Variants in SLC12A5 observed in about 807,000 individuals in gnomAD.
SLC12A5 encodes solute carrier family 12 member 5.
Under a neutral mutation model 124.0 loss-of-function variants are expected in SLC12A5, and 18 were observed. The observed-to-expected ratio is 0.15, with a 90% CI of 0.10 to 0.22. The LOEUF (loss-of-function observed/expected upper bound fraction) is 0.22. Among genes scored for constraint, SLC12A5 ranks in the 10% least tolerant of loss-of-function variants. The probability of loss-of-function intolerance (pLI) is 1.00; values close to 1 mark genes in which losing one functional copy is unlikely to be tolerated. For synonymous variants in SLC12A5, 589 were observed against 568.0 expected, an observed-to-expected ratio of 1.04 and a Z score of -0.53; for missense variants, 867 against 1,478.7, an observed-to-expected ratio of 0.59 and a Z score of 6.78.
chr20:46,050,349 C>T (rs1290474803), intron 17 of SLC12A5, among the ~76,000 whole-genome samples: 5 of 152,236 alleles, frequency 3.3e-5, no homozygotes, highest in Admixed American at 6.5e-5. Flanking sequence ...TTGGTTCCAC[C>T]CACTAGTCCA....
intron 18 of SLC12A5, 89 bp from the exon 19 acceptor site, chr20:46,052,868 G>A: frequency 1.4e-6 from 2 of 1,422,414 alleles, no homozygotes. Context: ...TGGAGTGCTG[G>A]CTGCCAGGAG....
At chr20:46,049,110 T>C (rs1205256433) in intron 16 of SLC12A5, among the ~76,000 whole-genome samples, 1 of 152,168 alleles carries the variant, frequency 6.6e-6, no homozygotes, top group Non-Finnish European at 1.5e-5. Flanking sequence ...AACCTGGGGC[T>C]CTATATTATT....
intron 14 of SLC12A5, among the ~76,000 whole-genome samples, chr20:46,046,780 A>G (rs2084599846): frequency 6.6e-6 from 1 of 152,280 alleles, no homozygotes; most frequent in African/African-American, 2.4e-5. Flanking sequence ...TGGGCTGATG[A>G]TGTAGCTTCT....
In SLC12A5 at chr20:46,039,784, A is replaced by C. The variant is rs375447387; in HGVS notation, c.613-589A>C. Among the ~76,000 whole-genome samples the C allele has an allele frequency of 2.6e-5, 4 of 152,106 alleles. No homozygotes were observed. The East Asian group carries it at 5.8e-4, about 22-fold the overall frequency. ...GAACAAAACTTTATTTCAAAAAAAA[A>C]ACAAAAAAACCACCACCACAATAAA... On this transcript the variant is annotated intron_variant, in intron 6 of 25. Coordinates refer to ENST00000243964, the MANE Select transcript of SLC12A5 (RefSeq NM_020708.5).
chr20:46,050,532 C>T (rs562275731), intron 17 of SLC12A5, among the ~76,000 whole-genome samples: 5 of 142,618 alleles, frequency 3.5e-5, no homozygotes, highest in African/African-American at 7.9e-5. Context: ...AAAAGAGGCC[C>T]GAAGGAGCAG....
At chr20:46,032,094 C>G (rs1215223212) in intron 1 of SLC12A5, among the ~76,000 whole-genome samples, 1 of 152,248 alleles carries the variant, frequency 6.6e-6, no homozygotes, top group Non-Finnish European at 1.5e-5. Context: ...CTGCCCTCAT[C>G]TCCTGGCCCG....
At position 46,041,647 on chromosome 20, in the gene SLC12A5, T is replaced by C. The variant is rs1322856609; in HGVS notation, c.1066+107T>C. ...TGGGATTCAGCTAAATTCAATCAGC[T>C]TTAATTGAGCACCTACTCTGAGTTA... On this transcript the variant is annotated intron_variant, in intron 8 of 25. Coordinates refer to ENST00000243964, the MANE Select transcript of SLC12A5 (RefSeq NM_020708.5). The C allele has an allele frequency of 4.3e-6, 5 of 1,162,620 alleles. No individual in the cohort carries two copies. The Admixed American group carries it at 8.0e-5, about 19-fold the overall frequency. The allele number at this position is 1,162,620 out of a possible 1,614,324, so 72.0% of individuals were successfully genotyped here.
chr20:46,035,965 G>A (rs2084494986), intron 4 of SLC12A5, 42 bp downstream of exon 4: 1 of 1,579,750 alleles, frequency 6.3e-7, no homozygotes. Flanking sequence ...GACAGCTGGG[G>A]CTTGGCAGAG....
At chr20:46,042,812 T>C (rs140466153) in intron 8 of SLC12A5, among the ~76,000 whole-genome samples, 35 of 152,076 alleles carry the variant, frequency 2.3e-4, no homozygotes, top group African/African-American at 8.4e-4. Flanking sequence ...TACTGAAATA[T>C]GGGATGCAGG....
At chr20:46,040,232 G>A (rs902956706) in intron 6 of SLC12A5, 141 bp from the exon 7 acceptor site, 5 of 1,261,106 alleles carry the variant, frequency 4.0e-6, no homozygotes, top group Non-Finnish European at 5.5e-6. Flanking sequence ...CTTCTTTAGC[G>A]ATTCTCCTAT....
At position 46,053,370 on chromosome 20, in the gene SLC12A5, G is replaced by C. The variant is rs2084662926; in HGVS notation, c.2548-208G>C. Among the ~76,000 whole-genome samples the C allele has an allele frequency of 1.3e-5, 2 of 152,326 alleles. No homozygotes were observed. The highest frequency in any genetic ancestry group is 4.8e-5 in the African/African-American group (2 of 41,576). On this transcript the variant is annotated intron_variant, in intron 19 of 25. Transcript: ENST00000243964. This position sits in a 1 kb window ranked among gnomAD's most constrained non-coding sequence, Gnocchi z 4.7. ...GTAAGGAGAGCAATGCTTAGCCCAA[G>C]CCAGTGATGCTTTCTTTAATGGGGG...
Position 46,035,396 on chromosome 20 carries a change from C to T in SLC12A5, c.148-8C>T, listed in dbSNP as rs1413620669. The T allele has an allele frequency of 1.3e-5, 21 of 1,610,510 alleles. No individual in the cohort carries two copies. Among genetic ancestry groups the T allele is most frequent in the Non-Finnish European group, 1.7e-5 (20 of 1,177,938 alleles). On this transcript the variant is annotated splice_region_variant and splice_polypyrimidine_tract_variant and intron_variant, in intron 2 of 25. Coordinates refer to ENST00000243964, the MANE Select transcript of SLC12A5 (RefSeq NM_020708.5). ...CAGCCTCCTAGCACTGACACCCTCC[C>T]TCCATAGGAGGAGATGGACACCAGC...
At position 46,049,613 on chromosome 20, in the gene SLC12A5, ACT is replaced by A. The variant is rs1279613550; in HGVS notation, c.2013-6_2013-5del. ...GTATATGGATTATGTGACTCTGCAC[ACT>A]CTTCAGGCCACAGCTGCTGGTGCTG... On this transcript the variant is annotated splice_region_variant and splice_polypyrimidine_tract_variant and intron_variant, in intron 16 of 25. Transcript: ENST00000243964. 2 of 1,596,516 alleles carry A rather than the reference ACT, an allele frequency of 1.3e-6. No homozygotes were observed. Among genetic ancestry groups the A allele is most frequent in the Non-Finnish European group, 1.7e-6 (2 of 1,171,856 alleles).
upstream of SLC12A5, chr20:46,029,085 C>A: frequency 2.3e-6 from 3 of 1,314,980 alleles, no homozygotes; most frequent in Non-Finnish European, 2.9e-6. Context: ...CCGCTCTCCC[C>A]CCAAAACCCC....
At position 46,058,685 on chromosome 20, in the gene SLC12A5, A is replaced by G. The variant is rs1220042134; in HGVS notation, c.*1080A>G. 2 of 398,814 alleles carry G rather than the reference A, an allele frequency of 5.0e-6. No homozygotes were observed. The allele number at this position is 398,814 out of a possible 1,614,324, so 24.7% of individuals were successfully genotyped here. On this transcript the variant is annotated 3_prime_UTR_variant, in exon 26 of 26. Coordinates refer to ENST00000243964, the MANE Select transcript of SLC12A5 (RefSeq NM_020708.5). This position sits in a 1 kb window ranked among gnomAD's most constrained non-coding sequence, Gnocchi z 5.8. ...CCATGGCTCCTCGCCAAAGACTGAA[A>G]TTGTGGAGCTGGAGGGCGCCCCCTC...
At position 46,057,784 on chromosome 20, in the gene SLC12A5, C is replaced by G; in HGVS notation, c.*179C>G. On this transcript the variant is annotated 3_prime_UTR_variant, in exon 26 of 26. Transcript: ENST00000243964. This position sits in a 1 kb window ranked among gnomAD's most constrained non-coding sequence, Gnocchi z 7.1. The stretch of plus-strand genomic sequence containing the variant: ...TGGGGCTGATTCGGAGAGGGCGCCC[C>G]GCCGCGCAGAGACCAGAGCTCCTCA... 1 of 569,822 alleles carries G rather than the reference C, an allele frequency of 1.8e-6. No individual in the cohort carries two copies. Among genetic ancestry groups the G allele is most frequent in the Non-Finnish European group, 3.0e-6 (1 of 328,702 alleles). The allele number at this position is 569,822 out of a possible 1,614,324, so 35.3% of individuals were successfully genotyped here. A position where few individuals can be genotyped will look rare whatever the true frequency, so the allele number is the denominator to read the frequency against.
In SLC12A5 at chr20:46,057,111, G is replaced by C; in HGVS notation, c.3126-59G>C. The C allele has an allele frequency of 6.2e-7, 1 of 1,608,690 alleles. No individual in the cohort carries two copies. Among genetic ancestry groups the C allele is most frequent in the Non-Finnish European group, 8.5e-7 (1 of 1,176,448 alleles). On this transcript the variant is annotated intron_variant, in intron 24 of 25. Transcript: ENST00000243964. The surrounding 1 kb of genome is among the most constrained non-coding windows in gnomAD (Gnocchi z 7.1). ...CCAGTTCGGGCTGGAAGGGCGACTG[G>C]CTCCAATCTTCTCTACCCCCCCGGC...
intron 4 of SLC12A5, chr20:46,036,189 G>A: frequency 2.5e-6 from 1 of 404,208 alleles, no homozygotes; most frequent in Non-Finnish European, 4.4e-6. Context: ...TAAGGGTAGG[G>A]AAGAAAATAA....
At position 46,043,902 on chromosome 20, in the gene SLC12A5, G is replaced by A. The variant is rs992510978; in HGVS notation, c.1363G>A (p.Ala455Thr). Reference protein sequence around the residue: ...VYISSVVLFGACIEGVVLRDK... With the variant: ...VYISSVVLFGTCIEGVVLRDK... ...CATCAGCTCCGTTGTTCTGTTTGGG[G>A]CCTGCATTGAGGGGGTCGTCCTGCG... is the stretch of plus-strand genomic sequence containing the variant. The change falls in exon 11 of 26, where the codon GCC becomes ACC. Residue 455 changes from alanine to threonine, a missense_variant. Ala to Thr is a moderately conservative substitution (Grantham distance 58). Transcript: ENST00000243964. 5.0e-6 allele frequency: 8 copies of A among 1,611,656 alleles called. No homozygotes were observed. Among genetic ancestry groups the A allele is most frequent in the African/African-American group, 1.3e-5 (1 of 74,826 alleles).
Sources: gnomAD v4.1 joint callset for allele counts (sites outside exome capture counted in the v4.1 genomes callset) on GRCh38, gnomAD v4.1.1 for gene constraint, Gnocchi (gnomAD v3.1) non-coding constraint, MANE v1.5 for transcripts, NCBI Gene and HGNC (gene_info 2026-07-23, HGNC 2026-07-21) for gene names.